The following OCIAD1 variants were observed in gnomAD, a reference collection of about 807,000 sequenced individuals.
OCIAD1 encodes the protein OCIA domain-containing protein 1.
In OCIAD1, 29 loss-of-function variants were observed where a neutral mutation model predicts 38.9. That is an observed-to-expected ratio of 0.74 (90% CI 0.55 to 1.02). The LOEUF (loss-of-function observed/expected upper bound fraction) is 1.02, where lower values mean the gene tolerates loss of function less well. Ranked by LOEUF, OCIAD1 falls within the 50% of genes least tolerant of loss-of-function variation. The pLI, the probability that OCIAD1 is intolerant of heterozygous loss-of-function variation, is 0.00. For missense variants in OCIAD1, 288 were observed against 289.6 expected (o/e 0.99, Z 0.04); for synonymous variants, 110 against 92.0 (o/e 1.20, Z -1.12).
At chr4:48,852,875 G>GTTTTTTTTTTTTTTTT (rs770694566) in intron 7 of OCIAD1, among the ~76,000 whole-genome samples, 2 of 69,128 alleles carry the variant, frequency 2.9e-5, no homozygotes, top group African/African-American at 1.4e-4. Context: ...GTTTTTTTTT[G>GTTTTTTTTTTTTTTTT]TTTTTTGTTT....
intron 1 of OCIAD1, among the ~76,000 whole-genome samples, chr4:48,815,076 G>C (rs934132694): frequency 1.9e-4 from 29 of 152,306 alleles, no homozygotes; most frequent in African/African-American, 6.5e-4. Flanking sequence ...CACTTTGGGA[G>C]GCTGAGGTGG....
intron 1 of OCIAD1, among the ~76,000 whole-genome samples, chr4:48,816,956 C>T (rs567003965): frequency 1.3e-5 from 2 of 152,170 alleles, no homozygotes; most frequent in African/African-American, 4.8e-5. Flanking sequence ...GGTGACAGAG[C>T]GAGACTCCCT....
At chr4:48,832,578 G>A in intron 1 of OCIAD1, 42 bp from the exon 2 acceptor site, 2 of 1,438,234 alleles carry the variant, frequency 1.4e-6, no homozygotes, top group South Asian at 1.1e-5. Context: ...GACCTATCTA[G>A]TGATAGTTTC....
At position 48,842,620 on chromosome 4, in the gene OCIAD1, C is replaced by A; in HGVS notation, c.140-16C>A. Reference sequence around the variant, plus strand: ...TTACTTTTGTTGATGTTAACAAGGTCTTTTTCTTCCTATAGCTGTGCCTTT... The same window carrying A: ...TTACTTTTGTTGATGTTAACAAGGTATTTTTCTTCCTATAGCTGTGCCTTT... On this transcript the variant is annotated splice_polypyrimidine_tract_variant and intron_variant, in intron 3 of 8. Transcript: ENST00000264312. The A allele has an allele frequency of 1.3e-6, 2 of 1,552,494 alleles. No individual in the cohort carries two copies. The highest frequency in any genetic ancestry group is 4.6e-5 in the East Asian group (2 of 43,322).
chr4:48,825,684 TAACA>T (rs1777243416), intron 1 of OCIAD1, among the ~76,000 whole-genome samples: 1 of 152,200 alleles, frequency 6.6e-6, no homozygotes, highest in Admixed American at 6.5e-5. Context: ...GGCATACCTA[TAACA>T]CATCCATGGG....
At chr4:48,812,757 T>A (rs1777103367) in intron 1 of OCIAD1, among the ~76,000 whole-genome samples, 1 of 150,356 alleles carries the variant, frequency 6.7e-6, no homozygotes, top group African/African-American at 2.5e-5. Flanking sequence ...TTTCAAGGAG[T>A]TTTGCCATAA....
intron 4 of OCIAD1, among the ~76,000 whole-genome samples, chr4:48,847,418 A>T (rs1779065088): frequency 6.6e-6 from 1 of 152,168 alleles, no homozygotes; most frequent in Non-Finnish European, 1.5e-5. Flanking sequence ...GTGTTAATAG[A>T]GTCCAATTTA....
At chr4:48,817,817 G>A (rs1777156820) in intron 1 of OCIAD1, among the ~76,000 whole-genome samples, 1 of 152,148 alleles carries the variant, frequency 6.6e-6, no homozygotes, top group Non-Finnish European at 1.5e-5. Context: ...GGGTGCTCTG[G>A]GCTGGGTGTG....
rs1449345897 is a variant in OCIAD1, at chr4:48,861,061, A to G, written c.*299A>G. Reference sequence around the variant, plus strand: ...ACTCTTAAAAAACCGTCGAGATTACAATGCTCTAGAATCAGCATATAAGAA... The same window carrying G: ...ACTCTTAAAAAACCGTCGAGATTACGATGCTCTAGAATCAGCATATAAGAA... On this transcript the variant is annotated 3_prime_UTR_variant, in exon 9 of 9. Coordinates refer to ENST00000264312, the MANE Select transcript of OCIAD1 (RefSeq NM_017830.4). The G allele has an allele frequency of 6.6e-6, 2 of 302,242 alleles. No individual in the cohort carries two copies. The highest frequency in any genetic ancestry group is 5.1e-5 in the Admixed American group (1 of 19,594). 18.7% of individuals were successfully genotyped at this position (302,242 alleles called of 1,614,324 possible). A position where few individuals can be genotyped will look rare whatever the true frequency, so the allele number is the denominator to read the frequency against.
At position 48,831,142 on chromosome 4, in the gene OCIAD1, G is replaced by T; in HGVS notation, c.-113G>T. 1 of 290,136 alleles carries T rather than the reference G, an allele frequency of 3.4e-6. No individual in the cohort carries two copies. Among genetic ancestry groups the T allele is most frequent in the Non-Finnish European group, 6.9e-6 (1 of 144,558 alleles). The allele number at this position is 290,136 out of a possible 1,614,324, so 18.0% of individuals were successfully genotyped here. On this transcript the variant is annotated 5_prime_UTR_variant, in exon 1 of 9. Transcript: ENST00000264312. Reference sequence around the variant, plus strand: ...TGTTCTACCCCTCCCCCTCCCCGCGGTACCTTGCACTTTTCTCCCTCCCTG... The same window carrying T: ...TGTTCTACCCCTCCCCCTCCCCGCGTTACCTTGCACTTTTCTCCCTCCCTG...
In OCIAD1 at chr4:48,860,202, C is replaced by G. The variant is rs575225634; in HGVS notation, c.701-523C>G. 6 of 153,060 alleles carry G rather than the reference C, an allele frequency of 3.9e-5. 1 individual carries two copies. Among genetic ancestry groups the G allele is most frequent in the African/African-American group, 1.4e-4 (6 of 41,510 alleles). 9.5% of individuals were successfully genotyped at this position (153,060 alleles called of 1,614,324 possible). ...TTCTTCTTATAGTAGTATTTACAGC[C>G]CTGAGAGAGAAGATTGAATTAATTA... On this transcript the variant is annotated intron_variant, in intron 8 of 8. Coordinates refer to ENST00000264312, the MANE Select transcript of OCIAD1 (RefSeq NM_017830.4).
chr4:48,858,749 C>G (rs1297011098), intron 8 of OCIAD1, among the ~76,000 whole-genome samples: 1 of 152,308 alleles, frequency 6.6e-6, no homozygotes, highest in Non-Finnish European at 1.5e-5. Flanking sequence ...GCCACTGTGC[C>G]TGACCTTTCT....
intron 3 of OCIAD1, among the ~76,000 whole-genome samples, chr4:48,841,828 G>A (rs1255168894): frequency 6.6e-6 from 1 of 151,720 alleles, no homozygotes; most frequent in Non-Finnish European, 1.5e-5. Flanking sequence ...TATGAGTTTT[G>A]GATTTTTCAC....
rs578073118 is a variant in OCIAD1 at position 48,818,193 on chromosome 4, T to C, written c.-102-12384T>C. ...AGAGCTCCAGCTGATATCAGGCCAGTGCCCCTCTGGGACGAAACTTCCAGA... is the reference window on the plus strand; with the variant it reads ...AGAGCTCCAGCTGATATCAGGCCAGCGCCCCTCTGGGACGAAACTTCCAGA... On this transcript the variant is annotated intron_variant, in intron 1 of 6. Transcript: ENST00000504654. 3.9e-5 allele frequency among the ~76,000 whole-genome samples: 6 copies of C among 152,290 alleles called. No homozygotes were observed. The East Asian group carries it at 1.2e-3, about 29-fold the overall frequency.
chr4:48,852,149 C>G, intron 7 of OCIAD1, 174 bp downstream of exon 7: 1 of 535,584 alleles, frequency 1.9e-6, no homozygotes, highest in East Asian at 3.1e-5. Context: ...TCTTGAGGAC[C>G]AGTAGGTGTC....
At chr4:48,807,212 T>C (rs1777037303) in intron 1 of OCIAD1, among the ~76,000 whole-genome samples, 1 of 152,012 alleles carries the variant, frequency 6.6e-6, no homozygotes, top group South Asian at 2.1e-4. Context: ...AAAATGCAGG[T>C]TCTGATTGAG....
chr4:48,818,999 C>T (rs1338840279), intron 1 of OCIAD1, among the ~76,000 whole-genome samples: 1 of 152,150 alleles, frequency 6.6e-6, no homozygotes, highest in Non-Finnish European at 1.5e-5. Flanking sequence ...GAAGAATACA[C>T]TTCAGGGTAT....
At chr4:48,853,297 A>T (rs978215357) in intron 7 of OCIAD1, among the ~76,000 whole-genome samples, 2 of 152,168 alleles carry the variant, frequency 1.3e-5, no homozygotes, top group Non-Finnish European at 2.9e-5. Flanking sequence ...ACTTTGCCAG[A>T]TAAGATTTTT....
upstream of OCIAD1, chr4:48,831,024 C>G: frequency 5.4e-6 from 1 of 184,192 alleles, no homozygotes; most frequent in South Asian, 9.1e-5. Flanking sequence ...CTCTCAGACC[C>G]GCAGTGAGGT....
Sources: allele counts gnomAD v4.1 joint callset (sites outside exome capture counted in the v4.1 genomes callset), GRCh38; gene constraint gnomAD v4.1.1; transcripts MANE v1.5; gene names NCBI Gene and HGNC (gene_info 2026-07-23, HGNC 2026-07-21).